KCNMB2: variants seen among roughly 807,000 people sequenced by gnomAD.
KCNMB2 encodes potassium calcium-activated channel subfamily M regulatory beta subunit 2.
KCNMB2 carries 9 observed loss-of-function variants against 24.5 expected under a neutral mutation model. The ratio of observed to expected loss-of-function variants is 0.37; its 90% CI spans 0.22 to 0.64. KCNMB2 has a LOEUF of 0.64. Among genes scored for constraint, KCNMB2 ranks in the 30% least tolerant of loss-of-function variants. The pLI, the probability that KCNMB2 is intolerant of heterozygous loss-of-function variation, is 0.63. For synonymous variants in KCNMB2, 109 were observed against 104.4 expected (o/e 1.04, Z -0.27); for missense variants, 226 against 284.3 (o/e 0.79, Z 1.47).
At position 178,613,393 on chromosome 3, in the gene KCNMB2, CTG is replaced by C. The variant is rs530986107; in HGVS notation, c.-68+76686_-68+76687del. On this transcript the variant is annotated intron_variant, in intron 1 of 4. Coordinates refer to ENST00000452583, the MANE Select transcript of KCNMB2 (RefSeq NM_181361.3). ...CACACGGTTACAGTGTATTAATATT[CTG>C]TGTTTTTCTCTGCACTTACTATTAC... Among the ~76,000 whole-genome samples the C allele has an allele frequency of 5.8e-3, 885 of 152,270 alleles. 4 individuals carry two copies. Among genetic ancestry groups the C allele is most frequent in the African/African-American group, 0.02 (830 of 41,510 alleles).
At chr3:178,794,658 C>T (rs1348216375) in intron 1 of KCNMB2, among the ~76,000 whole-genome samples, 2 of 152,176 alleles carry the variant, frequency 1.3e-5, no homozygotes, top group African/African-American at 4.8e-5. Context: ...AAGCAGTGAG[C>T]ACTAAGACGA....
intron 1 of KCNMB2, among the ~76,000 whole-genome samples, chr3:178,588,324 G>GTATA (rs145922995): frequency 0.014 from 2,084 of 152,208 alleles, 24 homozygotes; most frequent in Middle Eastern, 0.068. Flanking sequence ...TCCTATTAGT[G>GTATA]TATAATTCAT....
At chr3:178,792,565 CAT>C (rs1491365588) in intron 1 of KCNMB2, among the ~76,000 whole-genome samples, 1 of 152,128 alleles carries the variant, frequency 6.6e-6, no homozygotes, top group East Asian at 1.9e-4. Flanking sequence ...TACATCTTTA[CAT>C]ATCAATAATA....
At chr3:178,591,059 C>T (rs1339966935) in intron 1 of KCNMB2, among the ~76,000 whole-genome samples, 2 of 152,132 alleles carry the variant, frequency 1.3e-5, no homozygotes, top group Non-Finnish European at 2.9e-5. Flanking sequence ...GCCCAGGAAA[C>T]TTGTAAAACA....
At chr3:178,716,065 C>G (rs912015814) in intron 1 of KCNMB2, among the ~76,000 whole-genome samples, 8 of 152,220 alleles carry the variant, frequency 5.3e-5, no homozygotes, top group African/African-American at 1.2e-4. Flanking sequence ...ACAAATCTCT[C>G]TAACCAAAGC....
At chr3:178,716,185 T>G (rs529890593) in intron 1 of KCNMB2, among the ~76,000 whole-genome samples, 2 of 152,344 alleles carry the variant, frequency 1.3e-5, no homozygotes, top group South Asian at 4.1e-4. Context: ...TCTTCCATAT[T>G]TGATATTTCT....
At chr3:178,804,965 A>C (rs1443424097) in intron 1 of KCNMB2, among the ~76,000 whole-genome samples, 1 of 152,264 alleles carries the variant, frequency 6.6e-6, no homozygotes, top group Non-Finnish European at 1.5e-5. Context: ...TAATGGATGT[A>C]GTCCCTATTC....
At chr3:178,776,442 C>G (rs9845283) in intron 1 of KCNMB2, among the ~76,000 whole-genome samples, 1,658 of 152,280 alleles carry the variant, frequency 0.011, 32 homozygotes, top group African/African-American at 0.038. Context: ...TTCATCTGCT[C>G]TAATTTATCC....
chr3:178,628,099 CAT>C (rs1719184411), intron 1 of KCNMB2, among the ~76,000 whole-genome samples: 1 of 152,132 alleles, frequency 6.6e-6, no homozygotes, highest in South Asian at 2.1e-4. Context: ...AAAATATACT[CAT>C]AAACAAACTT....
chr3:178,826,051 G>C (rs1289656420), intron 3 of KCNMB2, among the ~76,000 whole-genome samples: 1 of 152,162 alleles, frequency 6.6e-6, no homozygotes, highest in Non-Finnish European at 1.5e-5. Context: ...AGGCTCAAGA[G>C]AGATATGATT....
In KCNMB2 at chr3:178,794,443, G is replaced by A. The variant is rs115955360; in HGVS notation, c.-67-12900G>A. Among the ~76,000 whole-genome samples the A allele has an allele frequency of 9.0e-3, 1,363 of 152,218 alleles. 22 individuals carry two copies. Among genetic ancestry groups the A allele is most frequent in the African/African-American group, 0.031 (1,278 of 41,520 alleles). ...ATCCATGAGACATGCAGGTCTGGTT[G>A]TGTTTTATCAGGTGAAGGATTACAC... On this transcript the variant is annotated intron_variant, in intron 1 of 4. Coordinates refer to ENST00000452583, the MANE Select transcript of KCNMB2 (RefSeq NM_181361.3).
chr3:178,828,925 CTGTGTGTGTGTGTG>C (rs71181254), intron 4 of KCNMB2, among the ~76,000 whole-genome samples: 10,012 of 142,782 alleles, frequency 0.07, 458 homozygotes, highest in Middle Eastern at 0.14. Context: ...CCCATGGTCA[CTGTGTGTGTGTGTG>C]TGTGTGTGTG....
intron 1 of KCNMB2, among the ~76,000 whole-genome samples, chr3:178,748,800 C>G (rs1439830237): frequency 3.3e-5 from 5 of 152,116 alleles, no homozygotes; most frequent in African/African-American, 1.2e-4. Flanking sequence ...TCTTAACTAT[C>G]CTGAGACTTT....
chr3:178,626,817 C>T (rs1030577549), intron 1 of KCNMB2, among the ~76,000 whole-genome samples: 1 of 150,302 alleles, frequency 6.7e-6, no homozygotes, highest in Non-Finnish European at 1.5e-5. Context: ...GTTAACTTAA[C>T]TATACTATAC....
At chr3:178,829,836 T>C (rs1356381065) in intron 4 of KCNMB2, among the ~76,000 whole-genome samples, 1 of 152,188 alleles carries the variant, frequency 6.6e-6, no homozygotes, top group Non-Finnish European at 1.5e-5. Flanking sequence ...ACTGGTACCT[T>C]ATTTGCTCTC....
At chr3:178,828,855 G>A (rs1714940573) in intron 4 of KCNMB2, among the ~76,000 whole-genome samples, 1 of 151,732 alleles carries the variant, frequency 6.6e-6, no homozygotes, top group Non-Finnish European at 1.5e-5. Context: ...CACCTTGCAA[G>A]GTCCTTATGA....
chr3:178,790,525 G>A (rs1044851504), intron 1 of KCNMB2, among the ~76,000 whole-genome samples: 1 of 152,130 alleles, frequency 6.6e-6, no homozygotes, highest in Non-Finnish European at 1.5e-5. Flanking sequence ...GGGCTGGAGG[G>A]GTGATCACTG....
chr3:178,659,384 C>T (rs1168542645), intron 1 of KCNMB2, among the ~76,000 whole-genome samples: 2 of 152,176 alleles, frequency 1.3e-5, no homozygotes, highest in Non-Finnish European at 1.5e-5. Flanking sequence ...AGAGTTAAAG[C>T]CTTCAACAAG....
At chr3:178,841,344 G>A (rs955160203) in intron 4 of KCNMB2, among the ~76,000 whole-genome samples, 4 of 152,072 alleles carry the variant, frequency 2.6e-5, no homozygotes, top group Non-Finnish European at 5.9e-5. Flanking sequence ...TCATCTTCCT[G>A]TCCTCTTCTG....
Sources: gnomAD v4.1 joint callset for allele counts (sites outside exome capture counted in the v4.1 genomes callset) on GRCh38, gnomAD v4.1.1 for gene constraint, MANE v1.5 for transcripts, NCBI Gene and HGNC (gene_info 2026-07-23, HGNC 2026-07-21) for gene names.